PDC: variants seen among roughly 807,000 people sequenced by gnomAD.
PDC encodes the protein 33 kDa phototransducing protein.
A neutral mutation model predicts 22.2 loss-of-function variants in PDC; 19 were observed. The observed-to-expected ratio is 0.86, with a 90% CI of 0.60 to 1.26. The LOEUF (loss-of-function observed/expected upper bound fraction) is 1.26, where lower values mean the gene tolerates loss of function less well. PDC is among the 50% of genes most tolerant of loss of function. PDC has a pLI of 0.00. For missense variants in PDC, 274 were observed against 286.8 expected (o/e 0.96, Z 0.32); for synonymous variants, 97 against 96.2 (o/e 1.01, Z -0.05).
At position 186,450,854 on chromosome 1, in the gene PDC, T is replaced by C. The variant is rs1662340081; in HGVS notation, c.-24-1371A>G. On this transcript the variant is annotated intron_variant, in intron 1 of 3. Coordinates refer to ENST00000391997, the MANE Select transcript of PDC (RefSeq NM_002597.5). The stretch of plus-strand genomic sequence containing the variant: ...CCTCAGGGGTCCATATAGTTGTGAT[T>C]TTCCTGAAGTTTTCAAGTCAGGGAG... Among the ~76,000 whole-genome samples the C allele has an allele frequency of 3.3e-5, 5 of 152,340 alleles. No individual in the cohort carries two copies. In the South Asian group the frequency reaches 1.0e-3, roughly 32 times the overall value.
At position 186,446,459 on chromosome 1, in the gene PDC, AT is replaced by A. The variant is rs1233314746; in HGVS notation, c.179del (p.Asn60MetfsTer13). On this transcript the variant is annotated frameshift_variant, in exon 3 of 4. Transcript: ENST00000391997. LOFTEE classifies it high-confidence loss of function. ...LRQMSSPQSR[N>X]GKDSKERVSR... ...TGACTCGTTCCTTTGAATCTTTGCCATTCCTACTCTGAGGAGAAGACATTTG... is the reference window on the plus strand; with the variant it reads ...TGACTCGTTCCTTTGAATCTTTGCCATCCTACTCTGAGGAGAAGACATTTG... The A allele has an allele frequency of 6.2e-7, 1 of 1,607,252 alleles. No individual in the cohort carries two copies. Among genetic ancestry groups the A allele is most frequent in the Admixed American group, 1.7e-5 (1 of 59,792 alleles).
intron 1 of PDC, among the ~76,000 whole-genome samples, chr1:186,449,969 C>T (rs994858498): frequency 4.6e-5 from 7 of 152,136 alleles, no homozygotes; most frequent in African/African-American, 1.7e-4. Flanking sequence ...ATTTAATTCT[C>T]ACATAGCTAT....
Position 186,444,373 on chromosome 1 carries a change from T to G in PDC, c.347A>C (p.Glu116Ala), listed in dbSNP as rs1179654946. The change falls in exon 4 of 4, where the codon GAG becomes GCG. Residue 116 changes from glutamate to alanine, a missense_variant. Glu to Ala is a moderately radical substitution (Grantham distance 107). Transcript: ENST00000391997. The part of the protein sequence containing the change: ...SFGPRYGFVY[E>A]LETGKQFLET... ...TAGGAATTGCTTTCCAGTTTCCAGC[T>G]CATACACAAACCCATATCTAGGCCC... is the stretch of plus-strand genomic sequence containing the variant. 6.2e-7 allele frequency: 1 copy of G among 1,614,138 alleles called. No individual in the cohort carries two copies. Among genetic ancestry groups the G allele is most frequent in the Admixed American group, 1.7e-5 (1 of 60,020 alleles).
In PDC at chr1:186,459,320, C is replaced by A. The variant is rs1031782961; in HGVS notation, c.-25+1739G>T. The stretch of plus-strand genomic sequence containing the variant: ...TGCCGAGTGCCTGCGATTGCAGGCA[C>A]GCGCCGCCACGCCTGACTGGTTTTG... On this transcript the variant is annotated intron_variant, in intron 1 of 3. Coordinates refer to ENST00000391997, the MANE Select transcript of PDC (RefSeq NM_002597.5). 5.9e-5 allele frequency among the ~76,000 whole-genome samples: 9 copies of A among 151,946 alleles called. No individual in the cohort carries two copies. In the South Asian group the frequency reaches 6.2e-4, roughly 11 times the overall value.
intron 1 of PDC, among the ~76,000 whole-genome samples, chr1:186,454,892 A>G (rs1338596586): frequency 6.6e-6 from 1 of 152,234 alleles, no homozygotes; most frequent in Non-Finnish European, 1.5e-5. Context: ...TCAATTTCTA[A>G]AATAAGTCTA....
chr1:186,453,948 A>G (rs1346700558), intron 1 of PDC, among the ~76,000 whole-genome samples: 2 of 152,162 alleles, frequency 1.3e-5, no homozygotes, highest in Non-Finnish European at 2.9e-5. Context: ...TTCCACTTCA[A>G]TAAAATGCTT....
At chr1:186,450,617 G>A (rs1247480374) in intron 1 of PDC, among the ~76,000 whole-genome samples, 1 of 152,078 alleles carries the variant, frequency 6.6e-6, no homozygotes, top group Non-Finnish European at 1.5e-5. Flanking sequence ...ATAGGATTCA[G>A]CCACCACACC....
chr1:186,449,370 T>C (rs768740990), intron 2 of PDC, 29 bp downstream of exon 2: 3 of 1,427,912 alleles, frequency 2.1e-6, no homozygotes, highest in South Asian at 1.2e-5. Flanking sequence ...TTTAATTTAA[T>C]AATTATTTTT....
rs377352034 is a variant in PDC, at chr1:186,449,466, G to A, written c.-7C>T. 5.7e-6 allele frequency: 9 copies of A among 1,576,104 alleles called. No individual in the cohort carries two copies. In the Middle Eastern group the frequency reaches 6.7e-4, roughly 117 times the overall value. On this transcript the variant is annotated 5_prime_UTR_variant, in exon 2 of 4. Transcript: ENST00000391997. ...GGCTTTTGGCTTCTTCCATTTTAGGGACTGGATTTGATATAATCTATAGGA... is the reference window on the plus strand; with the variant it reads ...GGCTTTTGGCTTCTTCCATTTTAGGAACTGGATTTGATATAATCTATAGGA...
At position 186,448,813 on chromosome 1, in the gene PDC, A is replaced by G. The variant is rs549433577; in HGVS notation, c.61+586T>C. ...AAAGAGAGAGGAAATTACCATTCAA[A>G]TAAGATTTAGTAGAGTTAAATGTGA... is the stretch of plus-strand genomic sequence containing the variant. On this transcript the variant is annotated intron_variant, in intron 2 of 3. Coordinates refer to ENST00000391997, the MANE Select transcript of PDC (RefSeq NM_002597.5). The G allele has an allele frequency of 3.6e-5, 7 of 197,178 alleles. No individual in the cohort carries two copies. The South Asian group carries it at 1.1e-3, about 30-fold the overall frequency. The allele number at this position is 197,178 out of a possible 1,614,324, so 12.2% of individuals were successfully genotyped here.
At chr1:186,459,354 G>C (rs34218705) in intron 1 of PDC, among the ~76,000 whole-genome samples, 3 of 152,160 alleles carry the variant, frequency 2.0e-5, no homozygotes, top group East Asian at 1.9e-4. Context: ...TGGTGGAGAC[G>C]GGGTTTCGCT....
intron 2 of PDC, 69 bp downstream of exon 2, chr1:186,449,330 A>G: frequency 1.1e-6 from 1 of 876,926 alleles, no homozygotes; most frequent in East Asian, 2.6e-5. Flanking sequence ...AATAGTGTCA[A>G]TAAGAACATT....
chr1:186,449,501 A>G lies in PDC; in HGVS notation c.-24-18T>C. The G allele has an allele frequency of 8.2e-7, 1 of 1,226,084 alleles. No individual in the cohort carries two copies. Among genetic ancestry groups the G allele is most frequent in the Non-Finnish European group, 1.2e-6 (1 of 834,732 alleles). The allele number at this position is 1,226,084 out of a possible 1,614,324, so 76.0% of individuals were successfully genotyped here. On this transcript the variant is annotated intron_variant, in intron 1 of 3. Transcript: ENST00000391997. ...GATATAATCTATAGGAGGAACAAAG[A>G]AATAATAATGACACAAGAATTCCAG... is the stretch of plus-strand genomic sequence containing the variant.
intron 1 of PDC, among the ~76,000 whole-genome samples, chr1:186,455,797 T>TTAAAA (rs1662450376): frequency 2.5e-5 from 1 of 39,356 alleles, no homozygotes; most frequent in African/African-American, 1.1e-4. Flanking sequence ...CCGTCTCTAC[T>TTAAAA]AAAAAAAAAA....
At chr1:186,454,280 G>A (rs149357645) in intron 1 of PDC, among the ~76,000 whole-genome samples, 2 of 146,168 alleles carry the variant, frequency 1.4e-5, no homozygotes, top group African/African-American at 2.5e-5. Flanking sequence ...CCCTGTTCAA[G>A]CAATTCTCCT....
chr1:186,447,840 G>A (rs1013486079), intron 2 of PDC, among the ~76,000 whole-genome samples: 1 of 150,736 alleles, frequency 6.6e-6, no homozygotes, highest in African/African-American at 2.4e-5. Context: ...AAATATACAT[G>A]TGTGTATGTT....
At chr1:186,458,044 C>A (rs1662503650) in intron 1 of PDC, among the ~76,000 whole-genome samples, 1 of 151,884 alleles carries the variant, frequency 6.6e-6, no homozygotes, top group Non-Finnish European at 1.5e-5. Flanking sequence ...TGTAGGGAGC[C>A]TTTTAAACAA....
intron 1 of PDC, among the ~76,000 whole-genome samples, chr1:186,456,507 A>G (rs983732538): frequency 6.6e-6 from 1 of 152,212 alleles, no homozygotes; most frequent in African/African-American, 2.4e-5. Context: ...AAACAGCCAA[A>G]CATTAAATTA....
intron 1 of PDC, among the ~76,000 whole-genome samples, chr1:186,450,718 A>G (rs1662336588): frequency 6.6e-6 from 1 of 152,146 alleles, no homozygotes; most frequent in East Asian, 1.9e-4. Flanking sequence ...TGGTGCCCGC[A>G]TGTAGAATCT....
Sources: gnomAD v4.1 joint callset for allele counts (sites outside exome capture counted in the v4.1 genomes callset) on GRCh38, gnomAD v4.1.1 for gene constraint, MANE v1.5 for transcripts, NCBI Gene and HGNC (gene_info 2026-07-23, HGNC 2026-07-21) for gene names.